Variants in SF3B3 observed in about 807,000 individuals in gnomAD.
SF3B3 encodes SAP 130.
SF3B3 carries 33 observed loss-of-function variants against 139.2 expected under a neutral mutation model. That is an observed-to-expected ratio of 0.24 (90% CI 0.18 to 0.32). The LOEUF (loss-of-function observed/expected upper bound fraction) is 0.32, where lower values mean the gene tolerates loss of function less well. SF3B3 is among the 10% of genes least tolerant of loss of function. SF3B3 has a pLI of 1.00. For missense variants in SF3B3, 818 were observed against 1,509.4 expected (o/e 0.54, Z 7.59); for synonymous variants, 596 against 563.6 (o/e 1.06, Z -0.81).
intron 5 of SF3B3, among the ~76,000 whole-genome samples, 157 bp downstream of exon 5, chr16:70,532,777 A>ATT (rs569634121): frequency 2.7e-3 from 415 of 152,324 alleles, no homozygotes; most frequent in Non-Finnish European, 4.4e-3. Flanking sequence ...TGGTGGAGTG[A>ATT]TTTTAAAAAG....
intron 17 of SF3B3, among the ~76,000 whole-genome samples, chr16:70,563,312 C>T (rs974864408): frequency 9.2e-5 from 14 of 152,186 alleles, no homozygotes; most frequent in Admixed American, 8.5e-4. Context: ...AATAAAACTC[C>T]ATCATTAGAG....
At chr16:70,544,590 A>G in intron 10 of SF3B3, 57 bp downstream of exon 10, 1 of 965,838 alleles carries the variant, frequency 1.0e-6, no homozygotes, top group Non-Finnish European at 1.7e-6. Context: ...CTGACAAAGT[A>G]GTTTATGGGT....
Position 70,565,399 on chromosome 16 carries a change from G to A in SF3B3, c.2701G>A (p.Glu901Lys). The change falls in exon 20 of 26, where the codon GAA becomes AAA. Residue 901 changes from glutamate (E) to lysine (K), a missense_variant. Coordinates refer to ENST00000302516, the MANE Select transcript of SF3B3 (RefSeq NM_012426.5). ...VAVCRFSNTG[E>K]DWYVLVGVAK... ...TGTGTGCAGGTTTTCCAACACTGGT[G>A]AAGACTGGTATGTGCTGGTGGGTGT... The A allele has an allele frequency of 1.2e-6, 2 of 1,614,166 alleles. No homozygotes were observed. The highest frequency in any genetic ancestry group is 1.7e-6 in the Non-Finnish European group (2 of 1,180,040).
intron 17 of SF3B3, 124 bp from the exon 18 acceptor site, chr16:70,563,751 TG>T: frequency 2.4e-6 from 2 of 830,076 alleles, no homozygotes; most frequent in East Asian, 5.1e-5. Context: ...TGTTGTTTAA[TG>T]TTGCCTAATG....
Position 70,554,571 on chromosome 16 carries a change from T to C in SF3B3, c.1528T>C (p.Leu510=), listed in dbSNP as rs563995216. The change falls in exon 12 of 26, where the codon TTA becomes CTA. Residue 510 remains leucine (L), a synonymous_variant. Transcript: ENST00000302516. ...LGTTPTLSCS[L]LGDDALVQVY... ...GACCACCCCGACCTTGTCCTGCTCC[T>C]TATTAGGAGATGATGCCTTGGTGCA... The C allele has an allele frequency of 1.2e-6, 2 of 1,614,204 alleles. No homozygotes were observed. The highest frequency in any genetic ancestry group is 2.7e-5 in the African/African-American group (2 of 75,060).
rs189261752 is a variant in SF3B3, at chr16:70,562,655, A to G, written c.2288+871A>G. Among the ~76,000 whole-genome samples, 446 of 152,164 alleles carry G rather than the reference A, an allele frequency of 2.9e-3. 2 individuals carry two copies. Among genetic ancestry groups the G allele is most frequent in the Admixed American group, 8.1e-3 (123 of 15,270 alleles). Reference sequence around the variant, plus strand: ...TTTAAGCCAGCCTTGTTGTAGCCTCATCTGTGGCCCCTACCTCCTGAATTG... The same window carrying G: ...TTTAAGCCAGCCTTGTTGTAGCCTCGTCTGTGGCCCCTACCTCCTGAATTG... On this transcript the variant is annotated intron_variant, in intron 17 of 25. Transcript: ENST00000302516.
intron 15 of SF3B3, among the ~76,000 whole-genome samples, chr16:70,557,565 C>T (rs907559420): frequency 2.0e-5 from 3 of 152,158 alleles, no homozygotes; most frequent in Non-Finnish European, 2.9e-5. Context: ...AATTTTACTT[C>T]CTAATTTAGA....
intron 10 of SF3B3, among the ~76,000 whole-genome samples, chr16:70,545,101 G>T (rs1039884634): frequency 6.6e-6 from 1 of 151,784 alleles, no homozygotes; most frequent in Non-Finnish European, 1.5e-5. Flanking sequence ...GTCCCACTCT[G>T]TCTCCCATGC....
At chr16:70,556,093 C>T (rs1469427398) in intron 13 of SF3B3, 86 bp from the exon 14 acceptor site, 2 of 1,381,264 alleles carry the variant, frequency 1.4e-6, no homozygotes, top group African/African-American at 1.4e-5. Context: ...CTCCTTCATT[C>T]TCTGGATCCA....
intron 6 of SF3B3, among the ~76,000 whole-genome samples, chr16:70,536,637 G>A (rs552239082): frequency 1.3e-5 from 2 of 151,914 alleles, no homozygotes; most frequent in Admixed American, 1.3e-4. Flanking sequence ...GGGATTACAG[G>A]CGTGAGCCAC....
intron 10 of SF3B3, among the ~76,000 whole-genome samples, chr16:70,545,265 T>C (rs560439803): frequency 1.6e-4 from 25 of 152,232 alleles, no homozygotes; most frequent in African/African-American, 5.5e-4. Context: ...CAGAGTCTTA[T>C]CATGTTTCCC....
Position 70,569,035 on chromosome 16 carries a change from C to A in SF3B3, c.3166-8C>A, listed in dbSNP as rs190650638. ...CCCAGCAGTGTGACTTGTGTCACTT[C>A]CTTGTAGGTGAGGCTCCCACCTAAC... is the stretch of plus-strand genomic sequence containing the variant. On this transcript the variant is annotated splice_region_variant and splice_polypyrimidine_tract_variant and intron_variant, in intron 22 of 25. Coordinates refer to ENST00000302516, the MANE Select transcript of SF3B3 (RefSeq NM_012426.5). 83 of 1,598,986 alleles carry A rather than the reference C, an allele frequency of 5.2e-5. No homozygotes were observed. In the East Asian group the frequency reaches 1.9e-3, roughly 36 times the overall value.
intron 20 of SF3B3, among the ~76,000 whole-genome samples, chr16:70,566,761 T>C (rs77191869): frequency 0.033 from 5,047 of 152,130 alleles, 116 homozygotes; most frequent in South Asian, 0.079. Context: ...AACTGAGATG[T>C]CACTAGGCTG....
intron 6 of SF3B3, chr16:70,537,941 AG>A (rs2050183625): frequency 2.0e-6 from 1 of 490,220 alleles, no homozygotes; most frequent in Non-Finnish European, 4.1e-6. Context: ...ATACCTAAGG[AG>A]GTGCCTTTTA....
chr16:70,538,053 A>G (rs770864816), intron 6 of SF3B3: 3 of 633,680 alleles, frequency 4.7e-6, no homozygotes, highest in South Asian at 2.8e-5. Flanking sequence ...CTTCTCTGAC[A>G]TTTTTCTCTG....
rs780372179 is a variant in SF3B3 at position 70,556,143 on chromosome 16, T to C, written c.1711-36T>C. 2.5e-6 allele frequency: 4 copies of C among 1,612,032 alleles called. No homozygotes were observed. The Admixed American group carries it at 5.0e-5, about 20-fold the overall frequency. On this transcript the variant is annotated intron_variant, in intron 13 of 25. Transcript: ENST00000302516. ...ATTGGAGCATCTAGACCCATCCCTCTGTAGTTTTGACCTTGCTGTGTCTTT... is the reference window on the plus strand; with the variant it reads ...ATTGGAGCATCTAGACCCATCCCTCCGTAGTTTTGACCTTGCTGTGTCTTT...
chr16:70,536,655 G>C (rs930532938), intron 6 of SF3B3, among the ~76,000 whole-genome samples: 1 of 151,726 alleles, frequency 6.6e-6, no homozygotes, highest in Admixed American at 6.6e-5. Flanking sequence ...CACCGCACCC[G>C]GCCTTTTTTG....
In SF3B3 at chr16:70,556,180, C is replaced by T; in HGVS notation, c.1712C>T (p.Ser571Leu). 6.2e-7 allele frequency: 1 copy of T among 1,614,160 alleles called. No individual in the cohort carries two copies. The highest frequency in any genetic ancestry group is 8.5e-7 in the Non-Finnish European group (1 of 1,179,994). Reference protein sequence around the residue: ...GELVYFEMDPSGQLNEYTERK... With the variant: ...GELVYFEMDPLGQLNEYTERK... ...CTTGCTGTGTCTTTCCTCCTGTAGT[C>T]AGGACAGCTGAATGAGTACACAGAA... is the stretch of plus-strand genomic sequence containing the variant. Residue 571 changes from serine (S) to leucine (L), a missense_variant and splice_region_variant, in exon 14 of 26, where the codon TCA (serine) becomes TTA (leucine). Ser to Leu is a moderately radical substitution (Grantham distance 145, BLOSUM62 -2). Coordinates refer to ENST00000302516, the MANE Select transcript of SF3B3 (RefSeq NM_012426.5).
At chr16:70,525,887 G>A (rs1022991787) in intron 1 of SF3B3, among the ~76,000 whole-genome samples, 1 of 149,664 alleles carries the variant, frequency 6.7e-6, no homozygotes, top group African/African-American at 2.5e-5. Context: ...TGTGAACCCA[G>A]GAGGCGGAGC....
Sources: gnomAD v4.1 joint callset for allele counts (sites outside exome capture counted in the v4.1 genomes callset) on GRCh38, gnomAD v4.1.1 for gene constraint, MANE v1.5 for transcripts, NCBI Gene and HGNC (gene_info 2026-07-23, HGNC 2026-07-21) for gene names.